The following CPNE8 variants were observed in gnomAD, a reference collection of about 807,000 sequenced individuals.
The protein encoded by CPNE8 is copine 8.
In CPNE8, 45 loss-of-function variants were observed where a neutral mutation model predicts 81.5. The ratio of observed to expected loss-of-function variants is 0.55; its 90% confidence interval spans 0.44 to 0.71. The LOEUF (loss-of-function observed/expected upper bound fraction) is 0.71, where lower values mean the gene tolerates loss of function less well. Among genes scored for constraint, CPNE8 ranks in the 30% least tolerant of loss-of-function variants. The pLI is 0.00. For missense variants in CPNE8, 594 were observed against 672.1 expected (o/e 0.88, Z 1.28); for synonymous variants, 252 against 226.3 (o/e 1.11, Z -1.02).
At chr12:38,698,905 C>T (rs1211277068) in intron 14 of CPNE8, among the ~76,000 whole-genome samples, 5 of 152,058 alleles carry the variant, frequency 3.3e-5, no homozygotes, top group East Asian at 1.9e-4. Flanking sequence ...TATTAATTTC[C>T]GTATGAATTT....
intron 1 of CPNE8, among the ~76,000 whole-genome samples, chr12:38,888,720 A>T (rs144475320): frequency 6.6e-6 from 1 of 152,182 alleles, no homozygotes; most frequent in African/African-American, 2.4e-5. Context: ...CAACAATGGA[A>T]ACAAAATCTC....
At chr12:38,859,261 T>A (rs1943792817) in intron 3 of CPNE8, among the ~76,000 whole-genome samples, 1 of 151,698 alleles carries the variant, frequency 6.6e-6, no homozygotes, top group Admixed American at 6.6e-5. Flanking sequence ...AGATACGAAA[T>A]CTATATACAA....
At chr12:38,815,826 G>C (rs1360843332) in intron 6 of CPNE8, among the ~76,000 whole-genome samples, 1 of 152,074 alleles carries the variant, frequency 6.6e-6, no homozygotes, top group Non-Finnish European at 1.5e-5. Flanking sequence ...GGAATCATAA[G>C]GAGTACAATA....
At chr12:38,742,117 G>T (rs1474220171) in intron 10 of CPNE8, among the ~76,000 whole-genome samples, 2 of 152,132 alleles carry the variant, frequency 1.3e-5, no homozygotes, top group Non-Finnish European at 2.9e-5. Context: ...TCAGTGTGGC[G>T]ATTCCTTAGG....
intron 5 of CPNE8, among the ~76,000 whole-genome samples, chr12:38,834,365 C>T (rs1309877823): frequency 2.0e-5 from 3 of 152,080 alleles, no homozygotes; most frequent in East Asian, 3.9e-4. Flanking sequence ...TCAATCCTCA[C>T]CCCCCTGCCT....
chr12:38,842,988 C>G (rs907673641), intron 4 of CPNE8, among the ~76,000 whole-genome samples: 1 of 152,200 alleles, frequency 6.6e-6, no homozygotes, highest in Non-Finnish European at 1.5e-5. Context: ...TACATCCTAA[C>G]TGGTTACAAT....
chr12:38,807,792 A>G (rs963487204), intron 6 of CPNE8, among the ~76,000 whole-genome samples: 1 of 151,938 alleles, frequency 6.6e-6, no homozygotes. Context: ...CAGCAAAAGA[A>G]ACTGCCATCA....
At chr12:38,759,043 C>T (rs142141347) in intron 10 of CPNE8, among the ~76,000 whole-genome samples, 1,642 of 152,244 alleles carry the variant, frequency 0.011, 35 homozygotes, top group African/African-American at 0.036. Context: ...CCCAAAAATA[C>T]TCTTGTCTCT....
At chr12:38,776,834 A>T (rs767577643) in intron 6 of CPNE8, among the ~76,000 whole-genome samples, 5 of 152,168 alleles carry the variant, frequency 3.3e-5, no homozygotes, top group Non-Finnish European at 5.9e-5. Context: ...GTAATATCTT[A>T]GCACAGAGCA....
intron 14 of CPNE8, 54 bp downstream of exon 14, chr12:38,702,817 AATTT>A (rs1939980150): frequency 9.7e-7 from 1 of 1,027,320 alleles, no homozygotes; most frequent in African/African-American, 1.6e-5. Flanking sequence ...TGAAAATATA[AATTT>A]ATTTTTCATG....
intron 3 of CPNE8, among the ~76,000 whole-genome samples, chr12:38,872,170 C>G (rs939243011): frequency 6.6e-6 from 1 of 151,816 alleles, no homozygotes; most frequent in Admixed American, 6.6e-5. Flanking sequence ...CAGTTAGATA[C>G]GATAAACATG....
At chr12:38,675,918 G>T in intron 17 of CPNE8, 144 bp from the exon 18 acceptor site, 1 of 626,302 alleles carries the variant, frequency 1.6e-6, no homozygotes, top group Non-Finnish European at 2.8e-6. Flanking sequence ...CCAGGAGTTT[G>T]AGAACAGCCT....
At chr12:38,807,773 G>A (rs11169611) in intron 6 of CPNE8, among the ~76,000 whole-genome samples, 26 of 151,602 alleles carry the variant, frequency 1.7e-4, no homozygotes, top group African/African-American at 6.1e-4. Context: ...AAACTAAAGA[G>A]CTTCTGCACA....
intron 1 of CPNE8, among the ~76,000 whole-genome samples, 195 bp downstream of exon 1, chr12:38,905,242 G>A (rs1370314494): frequency 6.6e-6 from 1 of 152,130 alleles, no homozygotes. Context: ...TCTCAGTCCC[G>A]GAGCCCACCG....
chr12:38,756,807 T>C (rs1941470734), intron 10 of CPNE8, among the ~76,000 whole-genome samples: 2 of 152,204 alleles, frequency 1.3e-5, no homozygotes, highest in Non-Finnish European at 2.9e-5. Flanking sequence ...TACCAACCAA[T>C]ATGGCAGCCC....
intron 3 of CPNE8, among the ~76,000 whole-genome samples, chr12:38,868,949 G>A (rs1177866325): frequency 3.3e-5 from 5 of 152,054 alleles, no homozygotes; most frequent in African/African-American, 1.2e-4. Flanking sequence ...AGATAAAAAA[G>A]CAATTTTCCA....
At chr12:38,839,811 G>A (rs1175166636) in intron 5 of CPNE8, 105 bp downstream of exon 5, 10 of 1,015,506 alleles carry the variant, frequency 9.8e-6, no homozygotes, top group Admixed American at 3.9e-5. Flanking sequence ...TGACAATCAC[G>A]TTACATGAAT....
chr12:38,731,371 G>A (rs887945757), intron 10 of CPNE8, among the ~76,000 whole-genome samples: 2 of 151,840 alleles, frequency 1.3e-5, no homozygotes, highest in Non-Finnish European at 2.9e-5. Context: ...CTTGCAATCA[G>A]TAACAAGCAA....
intron 1 of CPNE8, among the ~76,000 whole-genome samples, chr12:38,890,920 T>C (rs947550333): frequency 6.7e-6 from 1 of 149,134 alleles, no homozygotes; most frequent in Non-Finnish European, 1.5e-5. Flanking sequence ...TATGTATATA[T>C]ATAAAATATT....
Sources: gnomAD v4.1 joint callset for allele counts (sites outside exome capture counted in the v4.1 genomes callset) on GRCh38, gnomAD v4.1.1 for gene constraint, MANE v1.5 for transcripts, NCBI Gene and HGNC (gene_info 2026-07-23, HGNC 2026-07-21) for gene names.